The following PPP2R1B variants were observed in gnomAD, a reference collection of about 807,000 sequenced individuals.
PPP2R1B encodes the protein protein phosphatase 2 scaffold subunit Abeta.
A neutral mutation model predicts 72.7 loss-of-function variants in PPP2R1B; 58 were observed. The ratio of observed to expected loss-of-function variants is 0.80; its 90% CI spans 0.65 to 0.99. The LOEUF is 0.99. Ranked by LOEUF, PPP2R1B falls within the 50% of genes least tolerant of loss-of-function variation. The pLI, the probability that PPP2R1B is intolerant of heterozygous loss-of-function variation, is 0.00. For missense variants in PPP2R1B, 695 were observed against 733.6 expected (o/e 0.95, Z 0.61); for synonymous variants, 256 against 264.6 (o/e 0.97, Z 0.32).
At chr11:111,747,776 C>CA (rs1388816484) in intron 11 of PPP2R1B, among the ~76,000 whole-genome samples, 178 bp downstream of exon 11, 1 of 151,982 alleles carries the variant, frequency 6.6e-6, no homozygotes, top group African/African-American at 2.4e-5. Flanking sequence ...ATCGAAGATA[C>CA]AAAAAATTGG....
Position 111,739,991 on chromosome 11 carries a change from A to C in PPP2R1B, c.*1605T>G. On this transcript the variant is annotated 3_prime_UTR_variant, in exon 15 of 15. Coordinates refer to ENST00000527614, the MANE Select transcript of PPP2R1B (RefSeq NM_002716.5). ...GACAAATTTTAAAGTATTTAGTAAA[A>C]CTTGGTTTTATGTAACAAATATACA... 1 of 980,768 alleles carries C rather than the reference A, an allele frequency of 1.0e-6. No individual in the cohort carries two copies. Among genetic ancestry groups the C allele is most frequent in the African/African-American group, 1.7e-5 (1 of 57,224 alleles). 60.8% of individuals were successfully genotyped at this position (980,768 alleles called of 1,614,324 possible). A position where few individuals can be genotyped will look rare whatever the true frequency, so the allele number is the denominator to read the frequency against.
chr11:111,724,259 G>A (rs1943899437), downstream of PPP2R1B: 2 of 1,290,374 alleles, frequency 1.5e-6, no homozygotes, highest in East Asian at 5.0e-5. Flanking sequence ...CCACCCAACT[G>A]GAATCAGAGG....
chr11:111,692,340 G>A, the PPP2R1B span, among the ~76,000 whole-genome samples: 1 of 87,358 alleles, frequency 1.1e-5, no homozygotes, highest in African/African-American at 4.7e-5. Flanking sequence ...AACAGAGCGA[G>A]ACTCAGTCTC....
intron 15 of PPP2R1B, among the ~76,000 whole-genome samples, chr11:111,732,560 G>A (rs531215766): frequency 2.0e-5 from 3 of 152,268 alleles, no homozygotes; most frequent in African/African-American, 4.8e-5. Context: ...GTGTGGTGGC[G>A]GGCGCCTGTA....
chr11:111,704,516 GC>G, the PPP2R1B span, among the ~76,000 whole-genome samples: 2 of 152,160 alleles, frequency 1.3e-5, no homozygotes, highest in African/African-American at 4.8e-5. Flanking sequence ...CCATTCTCCA[GC>G]CCAAAATAAT....
the PPP2R1B span, among the ~76,000 whole-genome samples, chr11:111,711,095 C>T: frequency 6.6e-6 from 1 of 151,702 alleles, no homozygotes; most frequent in African/African-American, 2.4e-5. Flanking sequence ...TGCCAATTGT[C>T]ATAAGGAAAA....
intron 2 of PPP2R1B, 28 bp from the exon 3 acceptor site, chr11:111,764,933 A>G (rs1555052570): frequency 6.2e-7 from 1 of 1,610,716 alleles, no homozygotes; most frequent in Admixed American, 1.7e-5. Flanking sequence ...AGGACTCATC[A>G]ACATGGATAG....
exon 16 of PPP2R1B, chr11:111,727,051 C>G (rs1400559300): frequency 6.2e-7 from 1 of 1,613,806 alleles, no homozygotes; most frequent in Admixed American, 1.7e-5. Flanking sequence ...AACTGATACA[C>G]TGGTCCCTGT....
chr11:111,702,926 T>TGTTC, the PPP2R1B span, among the ~76,000 whole-genome samples: 4 of 1,158 alleles, frequency 3.5e-3, no homozygotes, highest in African/African-American at 3.6e-3. Flanking sequence ...AACCAAAGTC[T>TGTTC]GTTTCTAGAT....
chr11:111,727,084 G>A lies in PPP2R1B; in HGVS notation c.1912-27C>T, dbSNP rs184829846. 4.1e-5 allele frequency: 65 copies of A among 1,591,866 alleles called. No homozygotes were observed. The East Asian group carries it at 5.8e-4, about 14-fold the overall frequency. On this transcript the variant is annotated intron_variant, in intron 15 of 15. Coordinates refer to the PPP2R1B transcript ENST00000311129. ...TGTAAGGCAAACAGCATGTTAGCCC[G>A]ACAGGAAGAGGGGGCCCACTTTCAC...
At chr11:111,762,553 C>CTTTT (rs11431567) in intron 3 of PPP2R1B, among the ~76,000 whole-genome samples, 2 of 136,168 alleles carry the variant, frequency 1.5e-5, no homozygotes, top group African/African-American at 2.8e-5. Context: ...TCCAGCAGTT[C>CTTTT]TTTTTTTTTT....
In PPP2R1B at chr11:111,766,351, G is replaced by A. The variant is rs1469666803; in HGVS notation, c.11C>T (p.Ala4Val). The A allele has an allele frequency of 6.8e-7, 1 of 1,465,644 alleles. No individual in the cohort carries two copies. Among genetic ancestry groups the A allele is most frequent in the Non-Finnish European group, 9.0e-7 (1 of 1,107,016 alleles). The allele number at this position is 1,465,644 out of a possible 1,614,324, so 90.8% of individuals were successfully genotyped here. Reference sequence around the variant, plus strand: ...TCCTGGGCCGGTCCCGAGCTCTGATGCGCCCGCCATGTTCTTTCTCCTCCT... The same window carrying A: ...TCCTGGGCCGGTCCCGAGCTCTGATACGCCCGCCATGTTCTTTCTCCTCCT... Reference protein sequence around the residue: MAGASELGTGPGAA... With the variant: MAGVSELGTGPGAA... Residue 4 changes from alanine to valine, a missense_variant, in exon 1 of 15, where the codon GCA (alanine) becomes GTA (valine). Physicochemically the swap from Ala to Val is moderately conservative, Grantham distance 64. Coordinates refer to ENST00000527614, the MANE Select transcript of PPP2R1B (RefSeq NM_002716.5).
the PPP2R1B span, among the ~76,000 whole-genome samples, chr11:111,711,014 A>G: frequency 6.6e-6 from 1 of 152,158 alleles, no homozygotes; most frequent in African/African-American, 2.4e-5. Context: ...CATCTAATAA[A>G]TTATTCTGGT....
the PPP2R1B span, among the ~76,000 whole-genome samples, chr11:111,713,037 C>T: frequency 6.6e-6 from 1 of 152,108 alleles, no homozygotes; most frequent in African/African-American, 2.4e-5. Flanking sequence ...TGGTGGTACA[C>T]ACCTGTAATC....
the PPP2R1B span, among the ~76,000 whole-genome samples, chr11:111,691,505 C>G: frequency 6.6e-6 from 1 of 152,288 alleles, no homozygotes; most frequent in East Asian, 1.9e-4. Flanking sequence ...AAACCTAGGT[C>G]TCTCTGACCA....
At chr11:111,735,085 C>A (rs1359086702), downstream of PPP2R1B, among the ~76,000 whole-genome samples, 1 of 152,126 alleles carries the variant, frequency 6.6e-6, no homozygotes, top group Non-Finnish European at 1.5e-5. Flanking sequence ...CAGGAAAAAA[C>A]CAGAAACAAG....
At chr11:111,727,400 A>C in intron 15 of PPP2R1B, 2 of 305,634 alleles carry the variant, frequency 6.5e-6, no homozygotes, top group Non-Finnish European at 1.2e-5. Flanking sequence ...TTTAAACCGT[A>C]TGCTGGAGTC....
At chr11:111,692,426 G>A in the PPP2R1B span, among the ~76,000 whole-genome samples, 5 of 145,010 alleles carry the variant, frequency 3.4e-5, no homozygotes, top group Admixed American at 1.4e-4. Flanking sequence ...GATAGAGATC[G>A]AGGCTGGGGT....
the PPP2R1B span, chr11:111,721,741 A>T: frequency 2.1e-6 from 2 of 945,154 alleles, no homozygotes; most frequent in Non-Finnish European, 3.2e-6. Flanking sequence ...TGGTATTCCT[A>T]TTGGACATTG....
Sources: allele counts gnomAD v4.1 joint callset (sites outside exome capture counted in the v4.1 genomes callset), GRCh38; gene constraint gnomAD v4.1.1; transcripts MANE v1.5; gene names NCBI Gene and HGNC (gene_info 2026-07-23, HGNC 2026-07-21).